The following TDRD9 variants were observed in gnomAD, a reference collection of about 807,000 sequenced individuals.
TDRD9 encodes the protein ATP-dependent RNA helicase TDRD9.
TDRD9 carries 124 observed loss-of-function variants against 172.6 expected under a neutral mutation model. That is an observed-to-expected ratio of 0.72 (90% CI 0.62 to 0.83). The LOEUF is 0.83. Ranked by LOEUF, TDRD9 falls within the 40% of genes least tolerant of loss-of-function variation. The pLI is 0.00. For missense variants in TDRD9, 1,479 were observed against 1,714.1 expected (o/e 0.86, Z 2.42); for synonymous variants, 619 against 617.1 (o/e 1.00, Z -0.05).
chr14:104,002,905 A>G (rs544200687), intron 13 of TDRD9, among the ~76,000 whole-genome samples: 1 of 151,786 alleles, frequency 6.6e-6, no homozygotes, highest in African/African-American at 2.4e-5. Context: ...TAATTTTTGT[A>G]TTTTTAGTAG....
At chr14:103,938,904 A>G (rs914271110) in intron 1 of TDRD9, among the ~76,000 whole-genome samples, 6 of 152,336 alleles carry the variant, frequency 3.9e-5, no homozygotes, top group Admixed American at 6.5e-5. Context: ...ACGTATACCA[A>G]TACCCTCACA....
Position 104,006,830 on chromosome 14 carries a change from T to C in TDRD9, c.1992T>C (p.Leu664=). ...GTAGCAAGAGTGACTGTATTGCACT[T>C]GTTGAGGCATTTAAAGTAAGTTTTC... ...SGSSKSDCIA[L]VEAFKTWKAC... The change falls in exon 18 of 36, where the codon CTT becomes CTC. Residue 664 remains leucine (L), a synonymous_variant. Coordinates refer to ENST00000409874, the MANE Select transcript of TDRD9 (RefSeq NM_153046.3). 6.2e-7 allele frequency: 1 copy of C among 1,612,934 alleles called. No homozygotes were observed. Among genetic ancestry groups the C allele is most frequent in the Non-Finnish European group, 8.5e-7 (1 of 1,179,360 alleles).
intron 1 of TDRD9, among the ~76,000 whole-genome samples, chr14:103,951,467 T>C (rs1293891223): frequency 1.3e-5 from 2 of 152,240 alleles, no homozygotes; most frequent in Non-Finnish European, 2.9e-5. Flanking sequence ...AACACACTGA[T>C]AGTTTGCATA....
chr14:103,941,294 A>G (rs1595895608), intron 1 of TDRD9: 5 of 987,830 alleles, frequency 5.1e-6, no homozygotes, highest in Non-Finnish European at 5.8e-6. Context: ...AGACATCTAC[A>G]CAGTTAAAGA....
intron 34 of TDRD9, among the ~76,000 whole-genome samples, chr14:104,047,598 A>G (rs1238839307): frequency 3.9e-5 from 6 of 152,238 alleles, no homozygotes; most frequent in Non-Finnish European, 8.8e-5. Context: ...CTTCTCCCCT[A>G]GGGAGACATT....
At position 103,965,440 on chromosome 14, in the gene TDRD9, C is replaced by T; in HGVS notation, c.528C>T (p.Arg176=). The T allele has an allele frequency of 5.8e-6, 9 of 1,551,626 alleles. No individual in the cohort carries two copies. Among genetic ancestry groups the T allele is most frequent in the Non-Finnish European group, 7.8e-6 (9 of 1,146,994 alleles). The stretch of plus-strand genomic sequence containing the variant: ...ATATCTTGGACCACTACGTTCAGCG[C>T]TCCGCCTACTGCAGCATTGTGGTCA... The part of the protein sequence containing the change: ...PQYILDHYVQ[R]SAYCSIVVTQ... Residue 176 remains arginine, a synonymous_variant, in exon 4 of 36, where the codon CGC becomes CGT. Coordinates refer to ENST00000409874, the MANE Select transcript of TDRD9 (RefSeq NM_153046.3).
At chr14:104,006,301 T>G in intron 15 of TDRD9, 88 bp from the exon 16 acceptor site, 1 of 1,092,956 alleles carries the variant, frequency 9.1e-7, no homozygotes, top group Non-Finnish European at 1.3e-6. Flanking sequence ...AATTAGGTCT[T>G]TGTTTCCTGT....
chr14:103,999,642 G>GCCATTTAATCTTTT (rs2034185928), intron 13 of TDRD9, among the ~76,000 whole-genome samples: 1 of 125,956 alleles, frequency 7.9e-6, no homozygotes, highest in Non-Finnish European at 1.7e-5. Flanking sequence ...TTGTTTTTTA[G>GCCATTTAATCTTTT]AAAACCTTTT....
intron 5 of TDRD9, 129 bp from the exon 6 acceptor site, chr14:103,970,412 C>T (rs1043972632): frequency 4.6e-6 from 3 of 659,260 alleles, no homozygotes; most frequent in Non-Finnish European, 8.0e-6. Flanking sequence ...TGATACTAGC[C>T]CCCTGAGGAA....
At chr14:104,046,026 G>A (rs1325362979) in intron 34 of TDRD9, among the ~76,000 whole-genome samples, 1 of 152,114 alleles carries the variant, frequency 6.6e-6, no homozygotes, top group African/African-American at 2.4e-5. Flanking sequence ...GTGCAGTCTC[G>A]ACTCACTGCA....
intron 20 of TDRD9, among the ~76,000 whole-genome samples, chr14:104,012,259 TCTTATCCA>T (rs1212936080): frequency 1.3e-5 from 2 of 152,206 alleles, no homozygotes. Context: ...GCATGCATAC[TCTTATCCA>T]GGAGGGTAAG....
At position 104,026,835 on chromosome 14, in the gene TDRD9, G is replaced by A. The variant is rs141792232; in HGVS notation, c.3178G>A (p.Val1060Met). 18 of 1,613,896 alleles carry A rather than the reference G, an allele frequency of 1.1e-5. No homozygotes were observed. In the African/African-American group the frequency reaches 1.6e-4, roughly 14 times the overall value. Residue 1060 changes from valine (V) to methionine (M), a missense_variant, in exon 28 of 36, where the codon GTG (valine) becomes ATG (methionine). This residue lies in a region of TDRD9 where 1,413 missense variants were observed against 1,649.1 expected (regional missense o/e 0.86). Coordinates refer to ENST00000409874, the MANE Select transcript of TDRD9 (RefSeq NM_153046.3). The stretch of plus-strand genomic sequence containing the variant: ...CTCTGTGGTGCACAGCGTCCTGCAC[G>A]TGGATGTGTACCAGTACTCAGGGGT... ...VFSVVHSVLH[V>M]DVYQYSGVQD...
chr14:103,995,345 C>A (rs1474644599), intron 11 of TDRD9, among the ~76,000 whole-genome samples: 1 of 152,136 alleles, frequency 6.6e-6, no homozygotes, highest in Non-Finnish European at 1.5e-5. Flanking sequence ...AACGTCGCCC[C>A]CCTTGATTGC....
chr14:103,977,763 T>C (rs1197347746), intron 7 of TDRD9, among the ~76,000 whole-genome samples: 1 of 151,996 alleles, frequency 6.6e-6, no homozygotes, highest in Non-Finnish European at 1.5e-5. Flanking sequence ...TCCTGAAGCA[T>C]TTTCCCTATG....
intron 17 of TDRD9, 31 bp downstream of exon 17, chr14:104,006,740 T>C (rs1012367114): frequency 1.2e-6 from 2 of 1,613,434 alleles, no homozygotes; most frequent in Admixed American, 3.3e-5. Flanking sequence ...AAAGTGTCAC[T>C]GTATTTTAAT....
rs2031161060 is a variant in TDRD9, at chr14:103,940,605, C to A, written c.215+11881C>A. 4 of 440,804 alleles carry A rather than the reference C, an allele frequency of 9.1e-6. No homozygotes were observed. In the South Asian group the frequency reaches 2.4e-4, roughly 26 times the overall value. The allele number at this position is 440,804 out of a possible 1,614,324, so 27.3% of individuals were successfully genotyped here. ...ACATTTTTTCAAAATACTTAGGAAA[C>A]ATTTTAGTTAAAAGCATACTATTCA... On this transcript the variant is annotated intron_variant, in intron 1 of 35. Coordinates refer to ENST00000409874, the MANE Select transcript of TDRD9 (RefSeq NM_153046.3).
intron 1 of TDRD9, among the ~76,000 whole-genome samples, chr14:103,947,323 G>GT (rs1205274036): frequency 6.6e-6 from 1 of 151,044 alleles, no homozygotes; most frequent in South Asian, 2.1e-4. Flanking sequence ...TGTTTTTTTT[G>GT]TTTTTTTGTT....
chr14:103,953,099 T>C (rs999603537), intron 1 of TDRD9, among the ~76,000 whole-genome samples: 1 of 152,206 alleles, frequency 6.6e-6, no homozygotes, highest in Non-Finnish European at 1.5e-5. Context: ...CCCCTTCACC[T>C]GGTCAGAGCC....
chr14:103,999,304 G>C (rs2034173135), intron 13 of TDRD9, among the ~76,000 whole-genome samples: 1 of 152,248 alleles, frequency 6.6e-6, no homozygotes, highest in African/African-American at 2.4e-5. Context: ...TTAAAGTTAA[G>C]TTAAAAAATT....
Sources: gnomAD v4.1 joint callset for allele counts (sites outside exome capture counted in the v4.1 genomes callset) on GRCh38, gnomAD v4.1.1 for gene constraint, gnomAD v4.1.1 regional missense constraint, MANE v1.5 for transcripts, NCBI Gene and HGNC (gene_info 2026-07-23, HGNC 2026-07-21) for gene names.